The following NDUFB6 variants were observed in gnomAD, a reference collection of about 807,000 sequenced individuals.
The protein encoded by NDUFB6 is NADH dehydrogenase [ubiquinone] 1 beta subcomplex subunit 6.
A neutral mutation model predicts 17.5 loss-of-function variants in NDUFB6; 23 were observed. The ratio of observed to expected loss-of-function variants is 1.31; its 90% CI spans 0.94 to 1.86. The LOEUF (loss-of-function observed/expected upper bound fraction) is 1.86, where lower values mean the gene tolerates loss of function less well. NDUFB6 is among the 40% of genes most tolerant of loss of function. The pLI, the probability that NDUFB6 is intolerant of heterozygous loss-of-function variation, is 0.00. For missense variants in NDUFB6, 167 were observed against 153.8 expected (o/e 1.09, Z -0.46); for synonymous variants, 60 against 53.5 (o/e 1.12, Z -0.53).
At chr9:32,560,439 T>G (rs1357470576) in intron 2 of NDUFB6, among the ~76,000 whole-genome samples, 1 of 152,220 alleles carries the variant, frequency 6.6e-6, no homozygotes, top group South Asian at 2.1e-4. Context: ...TAAAGTAAGT[T>G]AAACCCAGAG....
chr9:32,573,044 G>A lies in NDUFB6; in HGVS notation c.17C>T (p.Pro6Leu), dbSNP rs1821980075. 7 of 1,587,534 alleles carry A rather than the reference G, an allele frequency of 4.4e-6. No individual in the cohort carries two copies. Among genetic ancestry groups the A allele is most frequent in the East Asian group, 2.3e-5 (1 of 43,218 alleles). Residue 6 changes from proline to leucine, a missense_variant, in exon 1 of 4, where the codon CCG (proline) becomes CTG (leucine). By Grantham distance (98) the Pro-to-Leu change is moderately conservative. Coordinates refer to ENST00000379847, the MANE Select transcript of NDUFB6 (RefSeq NM_002493.5). MTGYT[P>L]DEKLRLQQLR... ...CTGCTGCAGCCGCAGTTTCTCATCC[G>A]GAGTGTACCCCGTCATGTCGCCGCT...
At chr9:32,571,971 T>C (rs866232776) in intron 1 of NDUFB6, among the ~76,000 whole-genome samples, 15 of 152,364 alleles carry the variant, frequency 9.8e-5, no homozygotes, top group African/African-American at 3.4e-4. Flanking sequence ...GATTACAATA[T>C]GAACTCATAT....
At chr9:32,564,587 C>T (rs1206654382) in intron 2 of NDUFB6, among the ~76,000 whole-genome samples, 1 of 151,998 alleles carries the variant, frequency 6.6e-6, no homozygotes, top group African/African-American at 2.4e-5. Flanking sequence ...TCATAAAATA[C>T]ATGATTTAGA....
chr9:32,569,872 A>T (rs903151250), intron 2 of NDUFB6, among the ~76,000 whole-genome samples: 11 of 150,686 alleles, frequency 7.3e-5, no homozygotes, highest in Admixed American at 1.3e-4. Flanking sequence ...CACTGCTATT[A>T]CACACTTATA....
intron 3 of NDUFB6, among the ~76,000 whole-genome samples, chr9:32,556,723 GA>G (rs1252247342): frequency 6.6e-6 from 1 of 151,714 alleles, no homozygotes; most frequent in Non-Finnish European, 1.5e-5. Context: ...GGAATAAATG[GA>G]AGACTAAATA....
chr9:32,554,080 C>A, intron 3 of NDUFB6, 136 bp from the exon 4 acceptor site: 1 of 532,060 alleles, frequency 1.9e-6, no homozygotes, highest in Non-Finnish European at 3.4e-6. Flanking sequence ...GGACCCTAGA[C>A]AAAGTAGAAG....
At position 32,553,172 on chromosome 9, in the gene NDUFB6, T is replaced by A. The variant is rs990118476; in HGVS notation, c.*704A>T. 9 of 365,150 alleles carry A rather than the reference T, an allele frequency of 2.5e-5. No individual in the cohort carries two copies. Among genetic ancestry groups the A allele is most frequent in the Admixed American group, 1.7e-4 (4 of 22,980 alleles). The allele number at this position is 365,150 out of a possible 1,614,324, so 22.6% of individuals were successfully genotyped here. A position where few individuals can be genotyped will look rare whatever the true frequency, so the allele number is the denominator to read the frequency against. On this transcript the variant is annotated 3_prime_UTR_variant, in exon 4 of 4. Transcript: ENST00000379847. ...GGAATAAGCTTTTCAATCAAGTTTC[T>A]AAATTCTTCAAAAATGATTCGGAAA...
Position 32,573,153 on chromosome 9 carries a change from C to G in NDUFB6, c.-93G>C. ...GCTCCCGCTCTGCAAAGCGACCTTGCGGGAACGCCGAGCGCCGCGCGCGGT... is the reference window on the plus strand; with the variant it reads ...GCTCCCGCTCTGCAAAGCGACCTTGGGGGAACGCCGAGCGCCGCGCGCGGT... On this transcript the variant is annotated 5_prime_UTR_variant, in exon 1 of 4. Coordinates refer to ENST00000379847, the MANE Select transcript of NDUFB6 (RefSeq NM_002493.5). 1 of 1,336,838 alleles carries G rather than the reference C, an allele frequency of 7.5e-7. No individual in the cohort carries two copies. The highest frequency in any genetic ancestry group is 9.9e-7 in the Non-Finnish European group (1 of 1,014,496). 82.8% of individuals were successfully genotyped at this position (1,336,838 alleles called of 1,614,324 possible).
At chr9:32,560,969 A>T (rs956775116) in intron 2 of NDUFB6, among the ~76,000 whole-genome samples, 7 of 152,218 alleles carry the variant, frequency 4.6e-5, no homozygotes, top group Non-Finnish European at 7.3e-5. Context: ...TTGGATGTTA[A>T]ACTTTCACTG....
intron 2 of NDUFB6, among the ~76,000 whole-genome samples, chr9:32,563,336 T>A (rs1451150442): frequency 3.3e-5 from 5 of 152,166 alleles, no homozygotes; most frequent in South Asian, 2.1e-4. Flanking sequence ...CTTTTTTTTT[T>A]AATTTTCTTT....
rs750811727 is a variant in NDUFB6, at chr9:32,572,924, A to G, written c.137T>C (p.Phe46Ser). 14 of 1,605,102 alleles carry G rather than the reference A, an allele frequency of 8.7e-6. No homozygotes were observed. Among genetic ancestry groups the G allele is most frequent in the Non-Finnish European group, 9.4e-6 (11 of 1,175,772 alleles). The stretch of plus-strand genomic sequence containing the variant: ...TTTATTCTCCAAAAATTTATTCCAG[A>G]ATTTCTCCATAGGCCCCATCTTCTG... ...PPQKMGPMEK[F>S]WNKFLENKSP... is the part of the protein sequence containing the mutation. The change falls in exon 1 of 4, where the codon TTC becomes TCC. Residue 46 changes from phenylalanine (F) to serine (S), a missense_variant. Coordinates refer to ENST00000379847, the MANE Select transcript of NDUFB6 (RefSeq NM_002493.5).
At chr9:32,567,144 C>T (rs1419543962) in intron 2 of NDUFB6, 11 of 477,580 alleles carry the variant, frequency 2.3e-5, no homozygotes, top group South Asian at 1.7e-4. Flanking sequence ...GTACTCAACG[C>T]CTCTGGGCCC....
intron 2 of NDUFB6, chr9:32,566,718 C>T: frequency 1.2e-6 from 1 of 861,210 alleles, no homozygotes; most frequent in Non-Finnish European, 2.0e-6. Flanking sequence ...ATTCCAAAAT[C>T]GGGACTCCAA....
intron 2 of NDUFB6, chr9:32,566,980 C>G: frequency 2.0e-6 from 1 of 506,084 alleles, no homozygotes; most frequent in Non-Finnish European, 3.9e-6. Flanking sequence ...GAGGACGCTT[C>G]GGTCAGCTCC....
intron 2 of NDUFB6, among the ~76,000 whole-genome samples, chr9:32,565,244 G>A (rs145637262): frequency 1.3e-5 from 2 of 151,426 alleles, no homozygotes; most frequent in Non-Finnish European, 2.9e-5. Flanking sequence ...AGTGAGCCGA[G>A]ATCGCGCCAC....
At chr9:32,568,727 T>C (rs1399450883) in intron 2 of NDUFB6, 3 of 115,136 alleles carry the variant, frequency 2.6e-5, no homozygotes, top group Non-Finnish European at 3.9e-5. Context: ...TGTGTGTGTG[T>C]GTGCATATAT....
intron 2 of NDUFB6, chr9:32,566,755 C>T (rs1443191115): frequency 8.8e-6 from 8 of 912,904 alleles, no homozygotes; most frequent in South Asian, 5.2e-5. Context: ...GGGTCCTCAG[C>T]CCGGGTGTCG....
At chr9:32,568,930 T>C (rs1821881633) in intron 2 of NDUFB6, among the ~76,000 whole-genome samples, 1 of 151,470 alleles carries the variant, frequency 6.6e-6, no homozygotes, top group Non-Finnish European at 1.5e-5. Flanking sequence ...TTTGTATTTT[T>C]AGTAGAGACA....
chr9:32,566,614 G>A, intron 2 of NDUFB6: 1 of 788,524 alleles, frequency 1.3e-6, no homozygotes, highest in Non-Finnish European at 2.3e-6. Context: ...AATTCCTCCT[G>A]AGCCTCTGCA....
Sources: allele counts gnomAD v4.1 joint callset (sites outside exome capture counted in the v4.1 genomes callset), GRCh38; gene constraint gnomAD v4.1.1; transcripts MANE v1.5; gene names NCBI Gene and HGNC (gene_info 2026-07-23, HGNC 2026-07-21).